Variants in RPS16 observed in about 807,000 individuals in gnomAD.
RPS16 encodes small ribosomal subunit protein uS9.
A neutral mutation model predicts 20.1 loss-of-function variants in RPS16; 2 were observed. The observed-to-expected ratio is 0.10, with a 90% CI of 0.04 to 0.31. The LOEUF is 0.31. Among genes scored for constraint, RPS16 ranks in the 10% least tolerant of loss-of-function variants. The probability of loss-of-function intolerance (pLI) is 1.00; values close to 1 mark genes in which losing one functional copy is unlikely to be tolerated. For synonymous variants in RPS16, 95 were observed against 76.1 expected (o/e 1.25, Z -1.29); for missense variants, 129 against 198.6 (o/e 0.65, Z 2.11).
chr19:39,433,453 TCA>T lies in RPS16; in HGVS notation c.296-37_296-36del, dbSNP rs773963220. The T allele has an allele frequency of 9.3e-6, 15 of 1,613,070 alleles. No homozygotes were observed. In the Admixed American group the frequency reaches 1.0e-4, roughly 11 times the overall value. ...AGAGCAGGGACGAGGATTTAGATAATCACACAGAGTCCTTGACTTGATCCCCA... is the reference window on the plus strand; with the variant it reads ...AGAGCAGGGACGAGGATTTAGATAATCACAGAGTCCTTGACTTGATCCCCA... On this transcript the variant is annotated intron_variant, in intron 4 of 4. Coordinates refer to ENST00000251453, the MANE Select transcript of RPS16 (RefSeq NM_001020.6).
At chr19:39,434,981 C>T (rs73033380) in intron 2 of RPS16, 21,379 of 152,280 alleles carry the variant, frequency 0.14, 1,795 homozygotes, top group Middle Eastern at 0.27. Context: ...CAGAGGAACC[C>T]CTTTTACAAG....
intron 2 of RPS16, 79 bp from the exon 3 acceptor site, chr19:39,433,840 T>G (rs1020084427): frequency 2.1e-5 from 29 of 1,407,332 alleles, no homozygotes; most frequent in Non-Finnish European, 2.6e-5. Flanking sequence ...CTTGTTTCTG[T>G]GGCTTCTGCC....
intron 2 of RPS16, chr19:39,435,289 A>T: frequency 4.4e-5 from 12 of 274,142 alleles, no homozygotes; most frequent in East Asian, 7.3e-5. Context: ...ACACAGCGAG[A>T]CTCCCTCTCA....
Position 39,435,918 on chromosome 19 carries a change from A to C in RPS16, c.-23T>G, listed in dbSNP as rs897413177. On this transcript the variant is annotated 5_prime_UTR_variant, in exon 1 of 5. Transcript: ENST00000251453. ...CATGGCTCCGAGCGTGGACTAGACA[A>C]CCTCACCGCGCGGCGCCGCAACCGG... 9.4e-6 allele frequency: 15 copies of C among 1,602,996 alleles called. No individual in the cohort carries two copies. The highest frequency in any genetic ancestry group is 1.1e-5 in the South Asian group (1 of 91,068).
intron 2 of RPS16, chr19:39,434,189 T>G: frequency 5.2e-6 from 1 of 193,730 alleles, no homozygotes; most frequent in East Asian, 1.2e-4. Flanking sequence ...TCTCTGCCCT[T>G]TCTTTGAGCC....
chr19:39,435,492 A>T, intron 2 of RPS16, 115 bp downstream of exon 2: 1 of 797,674 alleles, frequency 1.3e-6, no homozygotes, highest in South Asian at 1.6e-5. Flanking sequence ...TCTACACCCA[A>T]CACAACTTCT....
chr19:39,433,555 T>C lies in RPS16; in HGVS notation c.262A>G (p.Ile88Val), dbSNP rs2078842226. 1.9e-6 allele frequency: 3 copies of C among 1,614,098 alleles called. No homozygotes were observed. The highest frequency in any genetic ancestry group is 2.5e-6 in the Non-Finnish European group (3 of 1,180,044). ...VAQIYAIRQSISKALVAYYQK... is the reference protein window; with the variant it reads ...VAQIYAIRQSVSKALVAYYQK... ...TAATAGGCCACCAGGGCTTTGGAGA[T>C]GGACTGACGGATAGCTGTGAGAAAG... is the stretch of plus-strand genomic sequence containing the variant. Residue 88 changes from isoleucine (I) to valine (V), a missense_variant, in exon 4 of 5, where the codon ATC becomes GTC. This residue lies in a region of RPS16 where 117 missense variants were observed against 151.4 expected (regional missense o/e 0.77). Coordinates refer to ENST00000251453, the MANE Select transcript of RPS16 (RefSeq NM_001020.6).
intron 2 of RPS16, chr19:39,434,132 A>C: frequency 3.3e-6 from 1 of 302,614 alleles, no homozygotes; most frequent in East Asian, 7.8e-5. Flanking sequence ...AGTAGTCGAA[A>C]GCCATCCCTG....
At chr19:39,435,528 C>T in intron 2 of RPS16, 79 bp downstream of exon 2, 2 of 1,195,576 alleles carry the variant, frequency 1.7e-6, no homozygotes, top group Non-Finnish European at 2.4e-6. Flanking sequence ...GATGCCAGCC[C>T]CCCCAGCTTT....
chr19:39,433,694 T>C lies in RPS16; in HGVS notation c.218A>G (p.Lys73Arg), dbSNP rs1481803479. Residue 73 changes from lysine (K) to arginine (R), a missense_variant, in exon 3 of 5, where the codon AAG (lysine) becomes AGG (arginine). This residue lies in a region of RPS16 where 117 missense variants were observed against 151.4 expected (regional missense o/e 0.77). Coordinates refer to ENST00000251453, the MANE Select transcript of RPS16 (RefSeq NM_001020.6). Reference protein sequence around the residue: ...FAGVDIRVRVKGGGHVAQIYA... With the variant: ...FAGVDIRVRVRGGGHVAQIYA... ...AATCTGGGCCACGTGACCACCACCC[T>C]TTACACGGACACGGATGTCTACACC... 6.2e-7 allele frequency: 1 copy of C among 1,614,026 alleles called. No homozygotes were observed. Among genetic ancestry groups the C allele is most frequent in the African/African-American group, 1.3e-5 (1 of 74,898 alleles).
chr19:39,433,846 C>T (rs1600677832), intron 2 of RPS16, 85 bp from the exon 3 acceptor site: 3 of 1,284,450 alleles, frequency 2.3e-6, no homozygotes, highest in Non-Finnish European at 3.3e-6. Flanking sequence ...TCTGTGGCTT[C>T]TGCCACCACT....
intron 1 of RPS16, 43 bp downstream of exon 1, chr19:39,435,805 G>A: frequency 3.7e-6 from 6 of 1,608,582 alleles, no homozygotes; most frequent in South Asian, 2.2e-5. Context: ...CCAGACCCTG[G>A]CCTTCTCCTT....
Position 39,435,906 on chromosome 19 carries a change from G to C in RPS16, c.-11C>G, listed in dbSNP as rs773497612. ...GCCCTTGGACGGCATGGCTCCGAGCGTGGACTAGACAACCTCACCGCGCGG... is the reference window on the plus strand; with the variant it reads ...GCCCTTGGACGGCATGGCTCCGAGCCTGGACTAGACAACCTCACCGCGCGG... On this transcript the variant is annotated 5_prime_UTR_variant, in exon 1 of 5. Coordinates refer to ENST00000251453, the MANE Select transcript of RPS16 (RefSeq NM_001020.6). 5 of 1,604,102 alleles carry C rather than the reference G, an allele frequency of 3.1e-6. No individual in the cohort carries two copies. The African/African-American group carries it at 4.0e-5, about 13-fold the overall frequency.
intron 2 of RPS16, chr19:39,433,962 G>A (rs1346765271): frequency 3.5e-6 from 2 of 573,192 alleles, no homozygotes; most frequent in Non-Finnish European, 6.2e-6. Context: ...TGCTGAAGTG[G>A]TGTTAAGAAA....
In RPS16 at chr19:39,435,913, AGAC is replaced by A; in HGVS notation, c.-21_-19del. 6.2e-7 allele frequency: 1 copy of A among 1,603,518 alleles called. No individual in the cohort carries two copies. The highest frequency in any genetic ancestry group is 8.5e-7 in the Non-Finnish European group (1 of 1,179,922). Reference sequence around the variant, plus strand: ...GACGGCATGGCTCCGAGCGTGGACTAGACAACCTCACCGCGCGGCGCCGCAACC... The same window carrying A: ...GACGGCATGGCTCCGAGCGTGGACTAAACCTCACCGCGCGGCGCCGCAACC... On this transcript the variant is annotated 5_prime_UTR_variant, in exon 1 of 5. Coordinates refer to ENST00000251453, the MANE Select transcript of RPS16 (RefSeq NM_001020.6).
chr19:39,435,764 T>A (rs1422977856), intron 1 of RPS16, 56 bp from the exon 2 acceptor site: 11 of 1,606,182 alleles, frequency 6.8e-6, no homozygotes, highest in Non-Finnish European at 9.4e-6. Flanking sequence ...GCTCCCATGT[T>A]ACCCCCTAGA....
At chr19:39,433,806 C>A in intron 2 of RPS16, 45 bp from the exon 3 acceptor site, 1 of 1,587,916 alleles carries the variant, frequency 6.3e-7, no homozygotes, top group South Asian at 1.1e-5. Flanking sequence ...ACATGCTGGG[C>A]AGCTTAGCCA....
intron 2 of RPS16, chr19:39,433,994 A>G (rs759325824): frequency 8.6e-5 from 44 of 510,386 alleles, no homozygotes; most frequent in Non-Finnish European, 1.5e-4. Context: ...TAAAGGGAAC[A>G]AGATCTGGGC....
intron 2 of RPS16, chr19:39,434,165 T>C (rs955928694): frequency 2.0e-5 from 4 of 200,966 alleles, no homozygotes; most frequent in Non-Finnish European, 4.2e-5. Flanking sequence ...GCCTTTTCTA[T>C]TTCCCACCTG....
Sources: gnomAD v4.1 joint callset for allele counts on GRCh38, gnomAD v4.1.1 for gene constraint, gnomAD v4.1.1 regional missense constraint, MANE v1.5 for transcripts, NCBI Gene and HGNC (gene_info 2026-07-23, HGNC 2026-07-21) for gene names.